Variants in WASHC4 observed in about 807,000 individuals in gnomAD.
WASHC4 encodes the protein WASH complex subunit 4.
A neutral mutation model predicts 166.6 loss-of-function variants in WASHC4; 86 were observed. That is an observed-to-expected ratio of 0.52 (90% CI 0.43 to 0.62). WASHC4 has a LOEUF of 0.62. Ranked by LOEUF, WASHC4 falls within the 20% of genes least tolerant of loss-of-function variation. WASHC4 has a pLI of 0.00. For synonymous variants in WASHC4, 446 were observed against 451.6 expected, an observed-to-expected ratio of 0.99 and a Z score of 0.16; for missense variants, 1,262 against 1,382.4, an observed-to-expected ratio of 0.91 and a Z score of 1.38.
intron 15 of WASHC4, 126 bp from the exon 16 acceptor site, chr12:105,140,168 G>T: frequency 1.3e-6 from 1 of 740,980 alleles, no homozygotes. Flanking sequence ...ACCACGCCAG[G>T]ACTGTAAGGT....
rs3203829 is a variant in WASHC4, at chr12:105,168,046, C to G, written c.*1115C>G. 6.6e-6 allele frequency: 1 copy of G among 152,024 alleles called. No homozygotes were observed. Among genetic ancestry groups the G allele is most frequent in the Admixed American group, 6.6e-5 (1 of 15,260 alleles). The allele number at this position is 152,024 out of a possible 1,614,324, so 9.4% of individuals were successfully genotyped here. ...TAAAGTGATACCTTTACAATGAAGA[C>G]AAAAGTTTAAAACTTTCTAATACAA... On this transcript the variant is annotated 3_prime_UTR_variant, in exon 33 of 33. Transcript: ENST00000332180.
In WASHC4 at chr12:105,107,761, C is replaced by A. The variant is rs775449066; in HGVS notation, c.-40C>A. On this transcript the variant is annotated 5_prime_UTR_variant, in exon 1 of 33. Transcript: ENST00000332180. Reference sequence around the variant, plus strand: ...CTGGGGTGAGGCCGTCGTCGCCGCACGGGCTGGTTGGGGCTGTGTCTGTGG... The same window carrying A: ...CTGGGGTGAGGCCGTCGTCGCCGCAAGGGCTGGTTGGGGCTGTGTCTGTGG... 6 of 1,487,342 alleles carry A rather than the reference C, an allele frequency of 4.0e-6. No homozygotes were observed. Among genetic ancestry groups the A allele is most frequent in the Admixed American group, 2.0e-5 (1 of 50,370 alleles). The allele number at this position is 1,487,342 out of a possible 1,614,324, so 92.1% of individuals were successfully genotyped here.
chr12:105,148,713 G>T, intron 24 of WASHC4: 1 of 985,316 alleles, frequency 1.0e-6, no homozygotes, highest in African/African-American at 1.7e-5. Context: ...AATGAATACT[G>T]AGTAAAACGG....
intron 9 of WASHC4, 112 bp downstream of exon 9, chr12:105,121,316 A>T: frequency 1.4e-6 from 1 of 707,938 alleles, no homozygotes; most frequent in South Asian, 1.6e-5. Flanking sequence ...CTGGGGATTG[A>T]TATTTAGAAG....
chr12:105,113,631 ATAGT>A (rs367611669), intron 2 of WASHC4, among the ~76,000 whole-genome samples: 26 of 152,200 alleles, frequency 1.7e-4, no homozygotes, highest in East Asian at 3.9e-4. Flanking sequence ...ACTTGCATAA[ATAGT>A]TAGTTAGTAT....
intron 14 of WASHC4, 142 bp downstream of exon 14, chr12:105,134,038 T>C: frequency 1.4e-6 from 1 of 720,372 alleles, no homozygotes; most frequent in Non-Finnish European, 2.3e-6. Context: ...TCTGTGTGAC[T>C]TATTAATTTA....
chr12:105,117,608 T>C (rs1457578198), intron 6 of WASHC4, among the ~76,000 whole-genome samples: 1 of 152,210 alleles, frequency 6.6e-6, no homozygotes, highest in Non-Finnish European at 1.5e-5. Flanking sequence ...TATTTAGATC[T>C]CACAGCTGCA....
intron 31 of WASHC4, 34 bp downstream of exon 31, chr12:105,164,341 A>T: frequency 6.4e-7 from 1 of 1,568,522 alleles, no homozygotes; most frequent in Non-Finnish European, 8.8e-7. Context: ...ATCTGCTTTG[A>T]CTTACCATTT....
chr12:105,137,971 C>T lies in WASHC4; in HGVS notation c.1412C>T (p.Thr471Ile), dbSNP rs1472345490. Residue 471 changes from threonine (T) to isoleucine (I), a missense_variant, in exon 15 of 33, where the codon ACC (threonine) becomes ATC (isoleucine). Coordinates refer to ENST00000332180, the MANE Select transcript of WASHC4 (RefSeq NM_015275.3). ...YMSMQKPMTK[T>I]SVKALCRLVE... ...TCCATGCAAAAGCCAATGACCAAAA[C>T]CTCAGTTAAGGCATTGTGCAGGCTT... 1.2e-6 allele frequency: 2 copies of T among 1,613,060 alleles called. No homozygotes were observed. The highest frequency in any genetic ancestry group is 1.7e-5 in the Admixed American group (1 of 59,988).
intron 18 of WASHC4, among the ~76,000 whole-genome samples, chr12:105,142,007 G>C (rs540435106): frequency 2.4e-5 from 2 of 82,280 alleles, no homozygotes; most frequent in Non-Finnish European, 4.8e-5. Flanking sequence ...TTTGGGGCGG[G>C]GGGGGTCACA....
At chr12:105,154,032 TC>T (rs1468100245) in intron 26 of WASHC4, among the ~76,000 whole-genome samples, 12 of 148,602 alleles carry the variant, frequency 8.1e-5, no homozygotes, top group African/African-American at 2.3e-4. Flanking sequence ...AAATATAAAT[TC>T]TTTTTTTTTT....
At chr12:105,109,569 T>C (rs1387921366) in intron 1 of WASHC4, among the ~76,000 whole-genome samples, 1 of 152,204 alleles carries the variant, frequency 6.6e-6, no homozygotes, top group Non-Finnish European at 1.5e-5. Context: ...AATGTTATTT[T>C]AGGTTTTCTG....
At position 105,149,151 on chromosome 12, in the gene WASHC4, A is replaced by T. The variant is rs897852062; in HGVS notation, c.2515-464A>T. On this transcript the variant is annotated intron_variant, in intron 24 of 32. Transcript: ENST00000332180. The stretch of plus-strand genomic sequence containing the variant: ...GTGTAAGAGGTGATTAGAAATATTT[A>T]TGGATAGATAATTGAATATGTGGTA... 4 of 985,298 alleles carry T rather than the reference A, an allele frequency of 4.1e-6. No homozygotes were observed. In the Admixed American group the frequency reaches 2.5e-4, roughly 61 times the overall value. 61.0% of individuals were successfully genotyped at this position (985,298 alleles called of 1,614,324 possible).
chr12:105,127,802 G>A, intron 13 of WASHC4, among the ~76,000 whole-genome samples: 1 of 151,906 alleles, frequency 6.6e-6, no homozygotes, highest in Non-Finnish European at 1.5e-5. Flanking sequence ...CTCTCCAAAG[G>A]CACACTTTTA....
At position 105,124,633 on chromosome 12, in the gene WASHC4, A is replaced by G. The variant is rs536361751; in HGVS notation, c.787-1371A>G. ...GTAGCTGGGATTACAGGCGTCCACC[A>G]CTGCACTCAGCTAATTTTTGTATTT... is the stretch of plus-strand genomic sequence containing the variant. On this transcript the variant is annotated intron_variant, in intron 10 of 32. Coordinates refer to ENST00000332180, the MANE Select transcript of WASHC4 (RefSeq NM_015275.3). 1.5e-3 allele frequency among the ~76,000 whole-genome samples: 227 copies of G among 151,436 alleles called. 1 individual carries two copies. The highest frequency in any genetic ancestry group is 5.4e-3 in the African/African-American group (223 of 41,202).
intron 17 of WASHC4, 40 bp from the exon 18 acceptor site, chr12:105,141,127 T>C: frequency 1.2e-6 from 2 of 1,609,200 alleles, no homozygotes; most frequent in Non-Finnish European, 1.7e-6. Flanking sequence ...TAGAAACCTT[T>C]GACTGCAACT....
intron 13 of WASHC4, among the ~76,000 whole-genome samples, chr12:105,132,877 T>C (rs1285499589): frequency 1.3e-5 from 2 of 151,844 alleles, no homozygotes; most frequent in Non-Finnish European, 2.9e-5. Flanking sequence ...ATTCAATAAC[T>C]ATTAGCTTTT....
intron 24 of WASHC4, chr12:105,147,567 C>T: frequency 9.9e-7 from 1 of 1,007,790 alleles, no homozygotes; most frequent in Non-Finnish European, 1.2e-6. Flanking sequence ...ATTTGATGTC[C>T]ATATAAATAG....
rs181933198 is a variant in WASHC4 at position 105,143,148 on chromosome 12, G to A, written c.1915G>A (p.Asp639Asn). ...TTAGTACATGTTCAGTGCTTTGCGC[G>A]ACTGTGTACCTGCTATGATGCATGC... The part of the protein sequence containing the change: ...RLHYMFSALR[D>N]CVPAMMHARH... Residue 639 changes from aspartate (D) to asparagine (N), a missense_variant, in exon 20 of 33, where the codon GAC becomes AAC. Transcript: ENST00000332180. 1.1e-4 allele frequency: 180 copies of A among 1,610,002 alleles called. 2 individuals carry two copies. The South Asian group carries it at 1.6e-3, about 14-fold the overall frequency.
Sources: allele counts gnomAD v4.1 joint callset (sites outside exome capture counted in the v4.1 genomes callset), GRCh38; gene constraint gnomAD v4.1.1; transcripts MANE v1.5; gene names NCBI Gene and HGNC (gene_info 2026-07-23, HGNC 2026-07-21).